ANKFY1: variants seen among roughly 807,000 people sequenced by gnomAD.
The protein encoded by ANKFY1 is ankyrin repeat and FYVE domain containing 1, also known as ankyrin repeat and FYVE domain-containing protein 1.
ANKFY1 carries 47 observed loss-of-function variants against 128.3 expected under a neutral mutation model. The ratio of observed to expected loss-of-function variants is 0.37; its 90% confidence interval spans 0.29 to 0.47. The LOEUF (loss-of-function observed/expected upper bound fraction) is 0.47, where lower values mean the gene tolerates loss of function less well. ANKFY1 is among the 20% of genes least tolerant of loss of function. The pLI, the probability that ANKFY1 is intolerant of heterozygous loss-of-function variation, is 1.00. For missense variants in ANKFY1, 1,222 were observed against 1,510.6 expected, an observed-to-expected ratio of 0.81 and a Z score of 3.17; for synonymous variants, 553 against 601.6, an observed-to-expected ratio of 0.92 and a Z score of 1.18.
intron 3 of ANKFY1, chr17:4,222,229 C>G: frequency 3.2e-6 from 1 of 312,444 alleles, no homozygotes; most frequent in East Asian, 6.3e-5. Flanking sequence ...CGCCGCCCCG[C>G]GGACCCCGGA....
chr17:4,173,321 G>A (rs746107455), intron 21 of ANKFY1, 33 bp downstream of exon 21: 11 of 1,601,682 alleles, frequency 6.9e-6, no homozygotes, highest in African/African-American at 2.7e-5. Flanking sequence ...CAGGCCAGGC[G>A]CCGCGGGGCC....
intron 1 of ANKFY1, among the ~76,000 whole-genome samples, chr17:4,258,217 C>T (rs557567716): frequency 1.3e-5 from 2 of 152,260 alleles, no homozygotes; most frequent in East Asian, 3.9e-4. Flanking sequence ...ATAAGTAAAA[C>T]AATAAACAGA....
Position 4,172,684 on chromosome 17 carries a change from A to C in ANKFY1, c.3015-4T>G. 6.2e-7 allele frequency: 1 copy of C among 1,613,822 alleles called. No homozygotes were observed. The highest frequency in any genetic ancestry group is 8.5e-7 in the Non-Finnish European group (1 of 1,179,898). ...AATGTGCAGTGGTGACTGGCCTCTG[A>C]TAAAACAAGTTGGAAAAGTTAGGAA... On this transcript the variant is annotated splice_polypyrimidine_tract_variant and splice_region_variant and intron_variant, in intron 21 of 24. Coordinates refer to ENST00000341657, the MANE Select transcript of ANKFY1 (RefSeq NM_001330063.2).
chr17:4,232,988 G>T (rs80097237), intron 3 of ANKFY1, among the ~76,000 whole-genome samples: 8,028 of 151,164 alleles, frequency 0.053, 474 homozygotes, highest in African/African-American at 0.14. Flanking sequence ...CAGTATCCCA[G>T]AAGTCAGATA....
At position 4,173,930 on chromosome 17, in the gene ANKFY1, C is replaced by G; in HGVS notation, c.2902G>C (p.Val968Leu). 1 of 1,613,560 alleles carries G rather than the reference C, an allele frequency of 6.2e-7. No homozygotes were observed. Among genetic ancestry groups the G allele is most frequent in the Non-Finnish European group, 8.5e-7 (1 of 1,179,592 alleles). ...LLENGVDFAA[V>L]DENGNNALHL... ...TTACCATTGTTTCCATTCTCATCCA[C>G]GGCAGCAAAGTCCACGCCATTCTCT... is the stretch of plus-strand genomic sequence containing the variant. Residue 968 changes from valine to leucine, a missense_variant, in exon 20 of 25, where the codon GTG becomes CTG. Val to Leu is a conservative substitution (Grantham distance 32). Coordinates refer to ENST00000341657, the MANE Select transcript of ANKFY1 (RefSeq NM_001330063.2).
chr17:4,197,905 G>A (rs770079174), intron 7 of ANKFY1, among the ~76,000 whole-genome samples: 39 of 152,118 alleles, frequency 2.6e-4, no homozygotes, highest in Non-Finnish European at 4.3e-4. Flanking sequence ...CGAGGTGGGC[G>A]GATCACCTGG....
chr17:4,206,521 A>G, intron 6 of ANKFY1, 35 bp from the exon 7 acceptor site: 1 of 1,590,048 alleles, frequency 6.3e-7, no homozygotes, highest in Non-Finnish European at 8.6e-7. Context: ...GCGCCCAGTG[A>G]GTAGAGAATA....
chr17:4,208,867 T>C (rs1467550898), intron 5 of ANKFY1, among the ~76,000 whole-genome samples: 8 of 152,118 alleles, frequency 5.3e-5, no homozygotes, highest in Non-Finnish European at 1.2e-4. Context: ...GAGACCAGCC[T>C]GACCAACGTG....
At chr17:4,229,386 T>C (rs776568293) in intron 3 of ANKFY1, among the ~76,000 whole-genome samples, 4 of 150,484 alleles carry the variant, frequency 2.7e-5, no homozygotes, top group Non-Finnish European at 5.9e-5. Context: ...ATCACACCAC[T>C]GCACTCCAGC....
intron 3 of ANKFY1, among the ~76,000 whole-genome samples, chr17:4,226,693 A>AG (rs1308606538): frequency 6.6e-6 from 1 of 151,468 alleles, no homozygotes; most frequent in Non-Finnish European, 1.5e-5. Context: ...CAGTGAGCTG[A>AG]GATAGCGCCA....
At chr17:4,228,768 T>C in intron 3 of ANKFY1, among the ~76,000 whole-genome samples, 1 of 152,184 alleles carries the variant, frequency 6.6e-6, no homozygotes, top group East Asian at 1.9e-4. Context: ...GGTGTATTCG[T>C]ATGTCAAAAC....
intron 2 of ANKFY1, 64 bp downstream of exon 2, chr17:4,242,192 G>C (rs1045606997): frequency 2.9e-6 from 4 of 1,393,550 alleles, no homozygotes; most frequent in African/African-American, 3.0e-5. Flanking sequence ...AAGTGAATGA[G>C]AAAAGCTGTA....
intron 23 of ANKFY1, among the ~76,000 whole-genome samples, chr17:4,170,163 G>T (rs929028563): frequency 1.3e-5 from 2 of 152,228 alleles, no homozygotes; most frequent in African/African-American, 4.8e-5. Context: ...ATGGCTACCG[G>T]GGATGTCGGA....
intron 1 of ANKFY1, among the ~76,000 whole-genome samples, chr17:4,250,670 T>TA (rs1967778031): frequency 6.2e-5 from 1 of 16,038 alleles, no homozygotes; most frequent in Non-Finnish European, 1.9e-3. Flanking sequence ...AGAATGATTC[T>TA]AATTTTTTTT....
At chr17:4,235,169 C>G (rs1374932589) in intron 3 of ANKFY1, among the ~76,000 whole-genome samples, 1 of 151,754 alleles carries the variant, frequency 6.6e-6, no homozygotes, top group African/African-American at 2.4e-5. Flanking sequence ...ATGGTAAAAC[C>G]CTGTCTCTAC....
chr17:4,242,918 C>T (rs1158738968), intron 1 of ANKFY1, among the ~76,000 whole-genome samples: 1 of 152,140 alleles, frequency 6.6e-6, no homozygotes, highest in Non-Finnish European at 1.5e-5. Context: ...ACCATAAAGC[C>T]AGGAATTCTC....
chr17:4,195,468 A>G lies in ANKFY1; in HGVS notation c.1107T>C (p.Thr369=), dbSNP rs2059801010. 1.2e-6 allele frequency: 2 copies of G among 1,613,748 alleles called. No individual in the cohort carries two copies. Among genetic ancestry groups the G allele is most frequent in the Non-Finnish European group, 1.7e-6 (2 of 1,179,792 alleles). ...CGGCCATGATGGACACATGTAAAGG[A>G]GTCCTGCGGGATCCAAAAGAAGAGG... The part of the protein sequence containing the change: ...NPNMQDSKGR[T]PLHVSIMAGN... Residue 369 remains threonine, a synonymous_variant, in exon 9 of 25, where the codon ACT becomes ACC. Coordinates refer to ENST00000341657, the MANE Select transcript of ANKFY1 (RefSeq NM_001330063.2).
chr17:4,250,978 A>C (rs940292230), intron 1 of ANKFY1, among the ~76,000 whole-genome samples: 1 of 152,202 alleles, frequency 6.6e-6, no homozygotes, highest in African/African-American at 2.4e-5. Context: ...TAGAATAGCC[A>C]AAAAAATTCT....
rs1240451575 is a variant in ANKFY1 at position 4,178,589 on chromosome 17, T to C, written c.2598+268A>G. The C allele has an allele frequency of 1.9e-6, 1 of 514,776 alleles. No homozygotes were observed. The highest frequency in any genetic ancestry group is 3.5e-6 in the Non-Finnish European group (1 of 283,300). 31.9% of individuals were successfully genotyped at this position (514,776 alleles called of 1,614,324 possible). The stretch of plus-strand genomic sequence containing the variant: ...AGCAAAAGCAAAGAATGAGCTCAAC[T>C]GTACATGCCACAGAATTCCTACGAT... On this transcript the variant is annotated intron_variant, in intron 18 of 24. Coordinates refer to ENST00000341657, the MANE Select transcript of ANKFY1 (RefSeq NM_001330063.2). The surrounding 1 kb of genome is among the most constrained non-coding windows in gnomAD (Gnocchi z 4.1).
Sources: gnomAD v4.1 joint callset for allele counts (sites outside exome capture counted in the v4.1 genomes callset) on GRCh38, gnomAD v4.1.1 for gene constraint, Gnocchi (gnomAD v3.1) non-coding constraint, MANE v1.5 for transcripts, NCBI Gene and HGNC (gene_info 2026-07-23, HGNC 2026-07-21) for gene names.